Variants in CD163L1 observed in about 807,000 individuals in gnomAD.
CD163L1 encodes the protein scavenger receptor cysteine-rich type 1 protein M160.
CD163L1 carries 124 observed loss-of-function variants against 165.4 expected under a neutral mutation model. The ratio of observed to expected loss-of-function variants is 0.75; its 90% confidence interval spans 0.65 to 0.87. CD163L1 has a LOEUF of 0.87. Among genes scored for constraint, CD163L1 ranks in the 40% least tolerant of loss-of-function variants. The probability of loss-of-function intolerance (pLI) is 0.00; values close to 1 mark genes in which losing one functional copy is unlikely to be tolerated. For synonymous variants in CD163L1, 585 were observed against 662.2 expected (o/e 0.88, Z 1.79); for missense variants, 1,525 against 1,799.9 (o/e 0.85, Z 2.76).
Position 7,441,256 on chromosome 12 carries a change from C to T in CD163L1, c.32-10G>A, listed in dbSNP as rs776133817. The stretch of plus-strand genomic sequence containing the variant: ...CAGCATCTTCCAAAATCTGGAGAAA[C>T]AAAATATAGCAGGGTAGAATTTCAT... On this transcript the variant is annotated splice_polypyrimidine_tract_variant and intron_variant, in intron 1 of 19. Coordinates refer to ENST00000313599, the MANE Select transcript of CD163L1 (RefSeq NM_174941.6). The T allele has an allele frequency of 1.3e-6, 2 of 1,596,278 alleles. No individual in the cohort carries two copies. The highest frequency in any genetic ancestry group is 2.2e-5 in the South Asian group (2 of 90,636).
rs748913374 is a variant in CD163L1, at chr12:7,369,631, G to A, written c.3765C>T (p.Cys1255=). The A allele has an allele frequency of 1.1e-5, 17 of 1,613,962 alleles. No individual in the cohort carries two copies. In the Admixed American group the frequency reaches 2.8e-4, roughly 27 times the overall value. Residue 1255 remains cysteine, a synonymous_variant, in exon 15 of 20, where the codon TGC becomes TGT. Coordinates refer to ENST00000313599, the MANE Select transcript of CD163L1 (RefSeq NM_174941.6). This position sits in a 1 kb window ranked among gnomAD's most constrained non-coding sequence, Gnocchi z 4.9. ...RIRVRGGDTE[C]SGRVEIWHAG... The stretch of plus-strand genomic sequence containing the variant: ...CGTGCCAGATCTCCACTCTCCCAGA[G>A]CACTCGGTGTCTCCTCCACGCACTC...
chr12:7,408,823 C>T (rs1217648090), intron 4 of CD163L1, among the ~76,000 whole-genome samples: 1 of 152,152 alleles, frequency 6.6e-6, no homozygotes, highest in Non-Finnish European at 1.5e-5. Context: ...CCTTTCCCTG[C>T]TTCAGTTTTG....
downstream of CD163L1, among the ~76,000 whole-genome samples, chr12:7,346,267 T>G (rs1347662545): frequency 2.0e-5 from 3 of 152,174 alleles, no homozygotes; most frequent in African/African-American, 7.2e-5. Flanking sequence ...GCCACATTTA[T>G]TCTTTTTTAT....
chr12:7,366,360 T>C (rs1289185223), intron 18 of CD163L1, among the ~76,000 whole-genome samples: 6 of 152,260 alleles, frequency 3.9e-5, no homozygotes, highest in African/African-American at 1.2e-4. Context: ...CAATAATCTA[T>C]ACATATTTCA....
At position 7,398,614 on chromosome 12, in the gene CD163L1, G is replaced by T; in HGVS notation, c.1409-30C>A. ...AAGCAAGACAAAACCACATATTTGAGATCAAATGAGAGAGTCTTTTCAGAA... is the reference window on the plus strand; with the variant it reads ...AAGCAAGACAAAACCACATATTTGATATCAAATGAGAGAGTCTTTTCAGAA... On this transcript the variant is annotated intron_variant, in intron 6 of 19. Coordinates refer to ENST00000313599, the MANE Select transcript of CD163L1 (RefSeq NM_174941.6). The surrounding 1 kb of genome is among the most constrained non-coding windows in gnomAD (Gnocchi z 4.5). 4 of 1,510,632 alleles carry T rather than the reference G, an allele frequency of 2.6e-6. No individual in the cohort carries two copies. Among genetic ancestry groups the T allele is most frequent in the Non-Finnish European group, 3.5e-6 (4 of 1,128,850 alleles). The allele number at this position is 1,510,632 out of a possible 1,614,324, so 93.6% of individuals were successfully genotyped here.
Position 7,372,151 on chromosome 12 carries a change from G to T in CD163L1, c.3730+1169C>A, listed in dbSNP as rs904480371. Among the ~76,000 whole-genome samples the T allele has an allele frequency of 6.6e-6, 1 of 151,992 alleles. No individual in the cohort carries two copies. Among genetic ancestry groups the T allele is most frequent in the African/African-American group, 2.4e-5 (1 of 41,404 alleles). Reference sequence around the variant, plus strand: ...TAACCAAACCCATGCAAATTATGTTGATTTAGGTGAAATTTTAATTTGGGA... The same window carrying T: ...TAACCAAACCCATGCAAATTATGTTTATTTAGGTGAAATTTTAATTTGGGA... On this transcript the variant is annotated intron_variant, in intron 14 of 19. Coordinates refer to ENST00000313599, the MANE Select transcript of CD163L1 (RefSeq NM_174941.6). This position sits in a 1 kb window ranked among gnomAD's most constrained non-coding sequence, Gnocchi z 4.2.
At chr12:7,388,743 C>CAAA (rs146990548) in intron 8 of CD163L1, among the ~76,000 whole-genome samples, 56 of 91,548 alleles carry the variant, frequency 6.1e-4, no homozygotes, top group Admixed American at 1.7e-3. Flanking sequence ...GATCCAGTTT[C>CAAA]AAAAAAAAAA....
chr12:7,366,522 TACAAAA>T (rs1947024625), intron 18 of CD163L1, among the ~76,000 whole-genome samples: 1 of 152,064 alleles, frequency 6.6e-6, no homozygotes, highest in South Asian at 2.1e-4. Flanking sequence ...TGTACATCAA[TACAAAA>T]ACAAAGTTTA....
At position 7,398,585 on chromosome 12, in the gene CD163L1, C is replaced by G; in HGVS notation, c.1409-1G>C. 6.5e-7 allele frequency: 1 copy of G among 1,549,058 alleles called. No homozygotes were observed. Among genetic ancestry groups the G allele is most frequent in the Non-Finnish European group, 8.7e-7 (1 of 1,151,962 alleles). On this transcript the variant is annotated splice_acceptor_variant, in intron 6 of 19. Transcript: ENST00000313599. LOFTEE classifies it high-confidence loss of function. The surrounding 1 kb of genome is among the most constrained non-coding windows in gnomAD (Gnocchi z 4.5). ...AGCCTTAGGTCCAGATCTGCCTTAT[C>G]TGCAAGCAAGACAAAACCACATATT...
At chr12:7,331,604 G>A in the CD163L1 span, among the ~76,000 whole-genome samples, 2 of 152,168 alleles carry the variant, frequency 1.3e-5, no homozygotes, top group South Asian at 2.1e-4. Context: ...GAACGATCAG[G>A]CAGCAGCATT....
In CD163L1 at chr12:7,369,021, TC is replaced by T; in HGVS notation, c.4040-57del. ...AATGAACGAAAAGGAACTGGGTATT[TC>T]TTTTTACATCTCCTGCGATTATCGG... On this transcript the variant is annotated intron_variant, in intron 15 of 19. Transcript: ENST00000313599. This position sits in a 1 kb window ranked among gnomAD's most constrained non-coding sequence, Gnocchi z 4.9. The T allele has an allele frequency of 1.3e-6, 2 of 1,537,264 alleles. No homozygotes were observed. Among genetic ancestry groups the T allele is most frequent in the Non-Finnish European group, 1.8e-6 (2 of 1,115,792 alleles).
In CD163L1 at chr12:7,348,622, T is replaced by C. The variant is rs763549455; in HGVS notation, c.*25-1475A>G. ...TACCTTTCTGAGCCTCAGTTTTTAC[T>C]TTATTAACTGAAAAAAAATGAGAAT... On this transcript the variant is annotated intron_variant, in intron 4 of 4. Coordinates refer to the CD163L1 transcript ENST00000539726. Among the ~76,000 whole-genome samples the C allele has an allele frequency of 3.1e-4, 47 of 152,294 alleles. No individual in the cohort carries two copies. In the South Asian group the frequency reaches 9.3e-3, roughly 30 times the overall value.
At position 7,357,539 on chromosome 12, in the gene CD163L1, AG is replaced by A. The variant is rs1946803594; in HGVS notation, c.4280-54del. The stretch of plus-strand genomic sequence containing the variant: ...TGAATAGTAGAAAACCTCTCTGCAG[AG>A]GGAAGAGCTGTTAAGTGCAGTGTTT... On this transcript the variant is annotated intron_variant, in intron 18 of 19. Coordinates refer to ENST00000313599, the MANE Select transcript of CD163L1 (RefSeq NM_174941.6). The A allele has an allele frequency of 2.0e-6, 3 of 1,486,574 alleles. No individual in the cohort carries two copies. In the Admixed American group the frequency reaches 5.1e-5, roughly 25 times the overall value. The allele number at this position is 1,486,574 out of a possible 1,614,324, so 92.1% of individuals were successfully genotyped here.
At chr12:7,442,617 C>T (rs1156856712) in intron 1 of CD163L1, among the ~76,000 whole-genome samples, 1 of 152,186 alleles carries the variant, frequency 6.6e-6, no homozygotes, top group Non-Finnish European at 1.5e-5. Flanking sequence ...GTGGAATGGG[C>T]AATTAGTGTC....
At chr12:7,431,006 G>A (rs967002803) in intron 4 of CD163L1, among the ~76,000 whole-genome samples, 12 of 152,114 alleles carry the variant, frequency 7.9e-5, no homozygotes, top group Non-Finnish European at 7.3e-5. Flanking sequence ...GGATTTGAAG[G>A]TGTTTGAAAT....
intron 4 of CD163L1, among the ~76,000 whole-genome samples, chr12:7,415,326 TAAAGAG>T (rs922948301): frequency 3.3e-5 from 5 of 151,704 alleles, no homozygotes; most frequent in Non-Finnish European, 7.4e-5. Context: ...ACACCAAAGA[TAAAGAG>T]AAAGGAATCA....
At chr12:7,323,283 T>C in the CD163L1 span, 1 of 1,611,442 alleles carries the variant, frequency 6.2e-7, no homozygotes, top group Non-Finnish European at 8.5e-7. Context: ...CCAGGTTCAA[T>C]GGGGAAAGGA....
intron 8 of CD163L1, among the ~76,000 whole-genome samples, chr12:7,388,550 C>T (rs1297937027): frequency 6.6e-6 from 1 of 152,054 alleles, no homozygotes; most frequent in African/African-American, 2.4e-5. Flanking sequence ...TGAGACCAGC[C>T]TGGGCAACAC....
At chr12:7,433,011 T>C (rs760224164) in intron 3 of CD163L1, among the ~76,000 whole-genome samples, 375 of 152,284 alleles carry the variant, frequency 2.5e-3, no homozygotes, top group African/African-American at 8.6e-3. Context: ...AAATATTTGT[T>C]CTGTTAGTGT....
Sources: gnomAD v4.1 joint callset for allele counts (sites outside exome capture counted in the v4.1 genomes callset) on GRCh38, gnomAD v4.1.1 for gene constraint, Gnocchi (gnomAD v3.1) non-coding constraint, MANE v1.5 for transcripts, NCBI Gene and HGNC (gene_info 2026-07-23, HGNC 2026-07-21) for gene names.